AIM2: variants seen among roughly 807,000 people sequenced by gnomAD.
AIM2 encodes absent in melanoma 2, also known as interferon-inducible protein AIM2.
In AIM2, 30 loss-of-function variants were observed where a neutral mutation model predicts 27.7. The ratio of observed to expected loss-of-function variants is 1.08; its 90% CI spans 0.81 to 1.47. The LOEUF (loss-of-function observed/expected upper bound fraction) is 1.47. Among genes scored for constraint, AIM2 ranks in the 40% most tolerant of loss-of-function variants. The probability of loss-of-function intolerance (pLI) is 0.00; values close to 1 mark genes in which losing one functional copy is unlikely to be tolerated. For synonymous variants in AIM2, 141 were observed against 145.3 expected, an observed-to-expected ratio of 0.97 and a Z score of 0.21; for missense variants, 358 against 411.3, an observed-to-expected ratio of 0.87 and a Z score of 1.12.
intron 1 of AIM2, among the ~76,000 whole-genome samples, chr1:159,108,195 G>A (rs567248102): frequency 3.3e-5 from 5 of 152,120 alleles, no homozygotes; most frequent in Admixed American, 2.6e-4. Context: ...TATCAAAAAA[G>A]TAGTACACCA....
In AIM2 at chr1:159,068,643, A is replaced by G. The variant is rs773309029; in HGVS notation, c.321T>C (p.Ser107=). 4 of 1,613,736 alleles carry G rather than the reference A, an allele frequency of 2.5e-6. No individual in the cohort carries two copies. The highest frequency in any genetic ancestry group is 3.4e-6 in the Non-Finnish European group (4 of 1,179,846). The change falls in exon 3 of 6, where the codon AGT becomes AGC. Residue 107 remains serine, a synonymous_variant. Coordinates refer to ENST00000368130, the MANE Select transcript of AIM2 (RefSeq NM_004833.3). ...TTCTGATGGCTGCAGATGCAGCAGG[A>G]CTCATTTCAGCTTGACTTAGTGGCT... ...KPKPLSQAEM[S]PAASAAIRND... is the part of the protein sequence containing the mutation.
intron 1 of AIM2, among the ~76,000 whole-genome samples, chr1:159,095,099 A>G (rs899333986): frequency 1.3e-5 from 2 of 152,240 alleles, no homozygotes; most frequent in Non-Finnish European, 2.9e-5. Context: ...GAGAAGCACT[A>G]CAGGTATTAA....
At chr1:159,105,042 G>A (rs1657403581) in intron 1 of AIM2, among the ~76,000 whole-genome samples, 2 of 152,324 alleles carry the variant, frequency 1.3e-5, no homozygotes, top group South Asian at 4.1e-4. Flanking sequence ...CACTCAGCCT[G>A]GCAGGCTGTG....
chr1:159,057,210 TG>T, the AIM2 span, among the ~76,000 whole-genome samples: 1 of 152,160 alleles, frequency 6.6e-6, no homozygotes, highest in African/African-American at 2.4e-5. Flanking sequence ...GGGATACCCA[TG>T]TATGCCCTAT....
chr1:159,066,570 A>T (rs1237833608), intron 3 of AIM2, among the ~76,000 whole-genome samples: 1 of 152,230 alleles, frequency 6.6e-6, no homozygotes, highest in African/African-American at 2.4e-5. Context: ...TTTTGGAGGT[A>T]GGATCCCTGA....
chr1:159,143,794 G>A (rs1482198378), upstream of AIM2, among the ~76,000 whole-genome samples: 1 of 152,170 alleles, frequency 6.6e-6, no homozygotes, highest in African/African-American at 2.4e-5. Flanking sequence ...TATCTGTAAT[G>A]TTCCCACTTG....
chr1:159,068,664 T>C lies in AIM2; in HGVS notation c.300A>G (p.Pro100=). The change falls in exon 3 of 6, where the codon CCA becomes CCG. Residue 100 remains proline (P), a synonymous_variant. Coordinates refer to ENST00000368130, the MANE Select transcript of AIM2 (RefSeq NM_004833.3). ...CAGGACTCATTTCAGCTTGACTTAG[T>C]GGCTTTGGTTTTGTTACCGATTTGT... ...KQYKSVTKPK[P]LSQAEMSPAA... 2 of 1,613,818 alleles carry C rather than the reference T, an allele frequency of 1.2e-6. No individual in the cohort carries two copies. The highest frequency in any genetic ancestry group is 1.7e-6 in the Non-Finnish European group (2 of 1,179,848).
upstream of AIM2, among the ~76,000 whole-genome samples, chr1:159,080,115 G>A (rs1656741274): frequency 6.6e-6 from 1 of 152,036 alleles, no homozygotes; most frequent in South Asian, 2.1e-4. Flanking sequence ...CCAAGTTTTG[G>A]CAATTACGAA....
chr1:159,140,441 G>A (rs777619327), exon 1 of AIM2: 2 of 152,288 alleles, frequency 1.3e-5, no homozygotes, highest in Non-Finnish European at 2.9e-5. Context: ...CTTTTGGCAT[G>A]GCTGCTTTAA....
rs1656070507 is a variant in AIM2 at position 159,065,966 on chromosome 1, T to C, written c.760A>G (p.Thr254Ala). ...GTTCCAAGGGGCTGAGTTTGAAGCG[T>C]GTTGATCTTCGGGGTTTCACCAGCT... ...RKAGETPKIN[T>A]LQTQPLGTIV... The change falls in exon 4 of 6, where the codon ACG becomes GCG. Residue 254 changes from threonine to alanine, a missense_variant. By Grantham distance (58) the Thr-to-Ala change is moderately conservative. Transcript: ENST00000368130. 1 of 1,614,054 alleles carries C rather than the reference T, an allele frequency of 6.2e-7. No homozygotes were observed. The highest frequency in any genetic ancestry group is 1.1e-5 in the South Asian group (1 of 91,086).
At chr1:159,107,302 G>T (rs542476107) in intron 1 of AIM2, among the ~76,000 whole-genome samples, 2 of 150,802 alleles carry the variant, frequency 1.3e-5, no homozygotes, top group Non-Finnish European at 2.9e-5. Flanking sequence ...ATGTACATGT[G>T]TGTATGTGTG....
upstream of AIM2, chr1:159,081,587 A>G (rs867437314): frequency 2.0e-5 from 9 of 442,566 alleles, no homozygotes; most frequent in Middle Eastern, 1.4e-3. Flanking sequence ...GCAGTCTGTC[A>G]CCATTCGTCT....
intron 2 of AIM2, among the ~76,000 whole-genome samples, chr1:159,070,014 A>C (rs369425102): frequency 1.1e-3 from 169 of 152,240 alleles, no homozygotes; most frequent in African/African-American, 3.9e-3. Context: ...CTCTGACTGA[A>C]GGTACCTTTA....
downstream of AIM2, among the ~76,000 whole-genome samples, chr1:159,061,556 CTATTTT>C (rs1211110971): frequency 2.2e-3 from 282 of 126,598 alleles, no homozygotes; most frequent in Admixed American, 5.1e-3. Flanking sequence ...CCGTGCCCGG[CTATTTT>C]TTTTTTTTTT....
chr1:159,099,992 T>G (rs1273252035), intron 1 of AIM2, among the ~76,000 whole-genome samples: 1 of 152,210 alleles, frequency 6.6e-6, no homozygotes. Flanking sequence ...TCGTTTGTGC[T>G]TCAGCCAAGG....
At chr1:159,106,777 C>T (rs188759854) in intron 1 of AIM2, among the ~76,000 whole-genome samples, 11 of 152,334 alleles carry the variant, frequency 7.2e-5, no homozygotes, top group Admixed American at 2.0e-4. Context: ...AGTGTGAAGG[C>T]TCTCTGCCAC....
At chr1:159,114,882 G>A (rs1647291469) in intron 1 of AIM2, among the ~76,000 whole-genome samples, 2 of 152,166 alleles carry the variant, frequency 1.3e-5, no homozygotes, top group South Asian at 4.1e-4. Flanking sequence ...AGGAAAAGAG[G>A]ACGTCAAATT....
chr1:159,091,395 G>A (rs538969577), intron 1 of AIM2, among the ~76,000 whole-genome samples: 1 of 152,292 alleles, frequency 6.6e-6, no homozygotes, highest in East Asian at 1.9e-4. Flanking sequence ...TGCTTTGGCA[G>A]GTTCTGCCTT....
intron 1 of AIM2, chr1:159,122,287 A>C (rs1352325204): frequency 6.6e-6 from 1 of 152,240 alleles, no homozygotes; most frequent in Admixed American, 6.5e-5. Flanking sequence ...TCTTCCAAGC[A>C]GTGACTCAGA....
Sources: gnomAD v4.1 joint callset for allele counts (sites outside exome capture counted in the v4.1 genomes callset) on GRCh38, gnomAD v4.1.1 for gene constraint, MANE v1.5 for transcripts, NCBI Gene and HGNC (gene_info 2026-07-23, HGNC 2026-07-21) for gene names.